The following SRPK2 variants were observed in gnomAD, a reference collection of about 807,000 sequenced individuals.
The protein encoded by SRPK2 is SFRS protein kinase 2.
SRPK2 carries 21 observed loss-of-function variants against 90.8 expected under a neutral mutation model. That is an observed-to-expected ratio of 0.23 (90% CI 0.16 to 0.33). The LOEUF (loss-of-function observed/expected upper bound fraction) is 0.33. SRPK2 is among the 10% of genes least tolerant of loss of function. The pLI is 1.00. For missense variants in SRPK2, 620 were observed against 869.0 expected, an observed-to-expected ratio of 0.71 and a Z score of 3.60; for synonymous variants, 288 against 311.1, an observed-to-expected ratio of 0.93 and a Z score of 0.78.
At chr7:105,273,169 C>G (rs1324041860) in intron 2 of SRPK2, among the ~76,000 whole-genome samples, 1 of 151,356 alleles carries the variant, frequency 6.6e-6, no homozygotes, top group Non-Finnish European at 1.5e-5. Context: ...GAGCAGAGAT[C>G]GCGCCACTGC....
chr7:105,141,959 C>G (rs769885821), intron 11 of SRPK2, 49 bp downstream of exon 11: 2 of 1,548,182 alleles, frequency 1.3e-6, no homozygotes, highest in Non-Finnish European at 8.7e-7. Flanking sequence ...GTTAAAGGCA[C>G]GTCCCTGGAG....
chr7:105,385,555 C>T (rs1439076098), intron 2 of SRPK2, among the ~76,000 whole-genome samples: 1 of 152,174 alleles, frequency 6.6e-6, no homozygotes, highest in African/African-American at 2.4e-5. Flanking sequence ...GGTAGACACG[C>T]TCTGACTCCT....
intron 2 of SRPK2, chr7:105,244,706 A>C: frequency 8.7e-7 from 1 of 1,153,674 alleles, no homozygotes; most frequent in African/African-American, 1.5e-5. Context: ...AAAGGTGACC[A>C]AGAACGTGAG....
chr7:105,203,530 T>G (rs942727113), intron 3 of SRPK2, 98 bp downstream of exon 3: 11 of 1,326,924 alleles, frequency 8.3e-6, no homozygotes, highest in Non-Finnish European at 2.0e-6. Context: ...ACCAAGCAAT[T>G]TGCATCACTA....
At chr7:105,139,606 C>T (rs1233350762) in intron 11 of SRPK2, among the ~76,000 whole-genome samples, 1 of 152,196 alleles carries the variant, frequency 6.6e-6, no homozygotes, top group Non-Finnish European at 1.5e-5. Context: ...TTATGACTTG[C>T]CTGGGCCTCC....
Position 105,224,236 on chromosome 7 carries a change from T to A in SRPK2, c.72-20451A>T, listed in dbSNP as rs901379124. ...TTTTATGCCCTTTAATAATATTTTG[T>A]AATTTTTTTCATAAAGGTCATACAA... On this transcript the variant is annotated intron_variant, in intron 2 of 15. Transcript: ENST00000393651. Among the ~76,000 whole-genome samples the A allele has an allele frequency of 2.0e-5, 3 of 152,242 alleles. No homozygotes were observed. The East Asian group carries it at 5.8e-4, about 29-fold the overall frequency.
At chr7:105,145,929 AGG>A (rs1356126845) in intron 8 of SRPK2, among the ~76,000 whole-genome samples, 3 of 152,112 alleles carry the variant, frequency 2.0e-5, no homozygotes, top group Non-Finnish European at 4.4e-5. Context: ...CAACACACAA[AGG>A]CACAGATCAT....
chr7:105,207,167 C>T (rs564384010), intron 2 of SRPK2, among the ~76,000 whole-genome samples: 3 of 152,296 alleles, frequency 2.0e-5, no homozygotes, highest in South Asian at 2.1e-4. Context: ...GACAGGGTCT[C>T]GCTCTGTTGC....
At chr7:105,275,829 C>T (rs1376102759) in intron 2 of SRPK2, among the ~76,000 whole-genome samples, 2 of 152,150 alleles carry the variant, frequency 1.3e-5, no homozygotes, top group Admixed American at 6.5e-5. Flanking sequence ...CACACAGAAG[C>T]TGTGGGCATG....
chr7:105,156,168 T>C (rs115012861), intron 7 of SRPK2, among the ~76,000 whole-genome samples: 1 of 152,304 alleles, frequency 6.6e-6, no homozygotes, highest in African/African-American at 2.4e-5. Context: ...GTTTATTATA[T>C]AAAACCCATT....
At position 105,332,474 on chromosome 7, in the gene SRPK2, A is replaced by G. The variant is rs138221307; in HGVS notation, c.71+56174T>C. On this transcript the variant is annotated intron_variant, in intron 2 of 15. Transcript: ENST00000393651. Reference sequence around the variant, plus strand: ...AGTGATATTTAAAAAATAAGTGCTCACTTTGTAGGCCAGGCGCAGTGTCTC... The same window carrying G: ...AGTGATATTTAAAAAATAAGTGCTCGCTTTGTAGGCCAGGCGCAGTGTCTC... Among the ~76,000 whole-genome samples the G allele has an allele frequency of 5.1e-3, 782 of 152,210 alleles. 11 individuals are homozygous for G. The East Asian group carries it at 0.055, about 11-fold the overall frequency.
At chr7:105,281,103 C>A (rs1293132340) in intron 2 of SRPK2, among the ~76,000 whole-genome samples, 2 of 151,248 alleles carry the variant, frequency 1.3e-5, no homozygotes, top group African/African-American at 4.9e-5. Flanking sequence ...GGTTTTTCCC[C>A]CGCTTTTTCT....
intron 8 of SRPK2, among the ~76,000 whole-genome samples, chr7:105,145,913 G>A (rs1194954717): frequency 4.6e-5 from 7 of 152,112 alleles, no homozygotes; most frequent in African/African-American, 1.7e-4. Flanking sequence ...ATCCATGCTT[G>A]CCTGACAACA....
At chr7:105,372,060 G>A (rs770786172) in intron 2 of SRPK2, among the ~76,000 whole-genome samples, 5 of 149,260 alleles carry the variant, frequency 3.3e-5, no homozygotes, top group Non-Finnish European at 5.9e-5. Context: ...GCATGAACCC[G>A]GAAGGCGGAG....
At chr7:105,204,539 A>T (rs960034361) in intron 2 of SRPK2, 4 of 401,500 alleles carry the variant, frequency 1.0e-5, no homozygotes, top group Non-Finnish European at 1.9e-5. Context: ...GGATGCCGGA[A>T]GCACATCTCT....
At chr7:105,233,070 G>GGAAGGAAGGAAAGGAAGGAAA in intron 2 of SRPK2, among the ~76,000 whole-genome samples, 1 of 141,688 alleles carries the variant, frequency 7.1e-6, no homozygotes, top group African/African-American at 2.6e-5. Flanking sequence ...GAGCAAGGAA[G>GGAAGGAAGGAAAGGAAGGAAA]GAAGGAAGGA....
chr7:105,210,847 G>A (rs1218391979), intron 2 of SRPK2, among the ~76,000 whole-genome samples: 1 of 152,176 alleles, frequency 6.6e-6, no homozygotes, highest in Non-Finnish European at 1.5e-5. Context: ...GTGAACTAGG[G>A]CCACAGAGAG....
chr7:105,360,400 G>A (rs1818292588), intron 2 of SRPK2, among the ~76,000 whole-genome samples: 1 of 152,168 alleles, frequency 6.6e-6, no homozygotes, highest in Non-Finnish European at 1.5e-5. Context: ...AATACTGTGT[G>A]AATCTGATCC....
chr7:105,371,898 G>A (rs1819731501), intron 2 of SRPK2, among the ~76,000 whole-genome samples: 1 of 151,970 alleles, frequency 6.6e-6, no homozygotes. Context: ...ACTTTGGGAG[G>A]CCCAGGCAGG....
Sources: allele counts gnomAD v4.1 joint callset (sites outside exome capture counted in the v4.1 genomes callset), GRCh38; gene constraint gnomAD v4.1.1; transcripts MANE v1.5; gene names NCBI Gene and HGNC (gene_info 2026-07-23, HGNC 2026-07-21).